The following ACOT11 variants were observed in gnomAD, a reference collection of about 807,000 sequenced individuals.
ACOT11 encodes acyl-coenzyme A thioesterase 11.
ACOT11 carries 69 observed loss-of-function variants against 77.5 expected under a neutral mutation model. The ratio of observed to expected loss-of-function variants is 0.89; its 90% CI spans 0.73 to 1.09. ACOT11 has a LOEUF of 1.09. ACOT11 is among the 50% of genes least tolerant of loss of function. The pLI, the probability that ACOT11 is intolerant of heterozygous loss-of-function variation, is 0.00. For synonymous variants in ACOT11, 279 were observed against 313.0 expected, an observed-to-expected ratio of 0.89 and a Z score of 1.15; for missense variants, 766 against 813.7, an observed-to-expected ratio of 0.94 and a Z score of 0.71.
At chr1:54,622,190 TGCTTGAGCCCAGGGGGTGGAG>T (rs1241441518) in intron 15 of ACOT11, among the ~76,000 whole-genome samples, 1 of 148,150 alleles carries the variant, frequency 6.7e-6, no homozygotes, top group Non-Finnish European at 1.5e-5. Flanking sequence ...GTGGAAGAAT[TGCTTGAGCCCAGGGGGTGGAG>T]GTTGCAGTGA....
chr1:54,589,760 A>G (rs930430267), intron 3 of ACOT11, among the ~76,000 whole-genome samples: 1 of 152,064 alleles, frequency 6.6e-6, no homozygotes, highest in African/African-American at 2.4e-5. Context: ...GCATTAAGAT[A>G]ACAAGCATGA....
intron 1 of ACOT11, among the ~76,000 whole-genome samples, chr1:54,569,411 C>T (rs903641222): frequency 2.0e-5 from 3 of 152,212 alleles, no homozygotes; most frequent in African/African-American, 7.2e-5. Context: ...CAGCCAGAGG[C>T]CTGACACCCA....
downstream of ACOT11, chr1:54,612,388 G>T (rs374611404): frequency 1.2e-6 from 1 of 847,558 alleles, no homozygotes; most frequent in Non-Finnish European, 1.9e-6. Context: ...GGGGTTGGAC[G>T]AAATGACCTT....
In ACOT11 at chr1:54,609,680, T is replaced by G. The variant is rs1644091458; in HGVS notation, c.*568T>G. The stretch of plus-strand genomic sequence containing the variant: ...ATGGCCGGGGACCGAAAAACTCCCG[T>G]GGGAGATTTTGGCCCCAACCCACAC... On this transcript the variant is annotated 3_prime_UTR_variant, in exon 16 of 16. Transcript: ENST00000343744. 1 of 1,613,812 alleles carries G rather than the reference T, an allele frequency of 6.2e-7. No homozygotes were observed.
At chr1:54,599,581 C>CAAGAAGGGAAAA in intron 8 of ACOT11, 166 bp downstream of exon 8, 1 of 849,718 alleles carries the variant, frequency 1.2e-6, no homozygotes, top group Non-Finnish European at 1.6e-6. Context: ...CTGATTTTCC[C>CAAGAAGGGAAAA]TTCTTGGGAG....
At chr1:54,581,269 G>A (rs2100974634) in intron 1 of ACOT11, among the ~76,000 whole-genome samples, 1 of 152,328 alleles carries the variant, frequency 6.6e-6, no homozygotes, top group East Asian at 1.9e-4. Flanking sequence ...ATTGGGACTT[G>A]GATACTGGGC....
intron 2 of ACOT11, among the ~76,000 whole-genome samples, chr1:54,585,080 G>A (rs1314367968): frequency 6.6e-6 from 1 of 152,144 alleles, no homozygotes; most frequent in African/African-American, 2.4e-5. Flanking sequence ...CCTGAGTGTT[G>A]GTCCCAGGCC....
intron 5 of ACOT11, 49 bp downstream of exon 5, chr1:54,594,088 C>A (rs1456199881): frequency 6.5e-7 from 1 of 1,531,886 alleles, no homozygotes; most frequent in Non-Finnish European, 9.0e-7. Context: ...GACCTGGGCA[C>A]CTGCCATGGC....
At chr1:54,583,020 A>G (rs1654372337) in intron 1 of ACOT11, among the ~76,000 whole-genome samples, 2 of 152,056 alleles carry the variant, frequency 1.3e-5, no homozygotes, top group Non-Finnish European at 2.9e-5. Context: ...AAAGCCAGCC[A>G]CCCGTATCCA....
downstream of ACOT11, among the ~76,000 whole-genome samples, chr1:54,614,357 G>A (rs963972326): frequency 2.0e-5 from 3 of 152,150 alleles, no homozygotes; most frequent in Admixed American, 6.5e-5. Flanking sequence ...CCCTCCAGGA[G>A]TTCAATGTAG....
chr1:54,580,174 G>A (rs947328121), intron 1 of ACOT11, among the ~76,000 whole-genome samples: 2 of 152,132 alleles, frequency 1.3e-5, no homozygotes, highest in Non-Finnish European at 2.9e-5. Context: ...AACGTTAGTT[G>A]TGGAATTGGA....
At chr1:54,569,564 C>G (rs1039701390) in intron 1 of ACOT11, among the ~76,000 whole-genome samples, 4 of 152,208 alleles carry the variant, frequency 2.6e-5, no homozygotes, top group Non-Finnish European at 5.9e-5. Flanking sequence ...TGTCTCCTCC[C>G]TGCCACTGAG....
chr1:54,603,841 ACCAAGGTTGTCATCTTCTCTCCTTC>A lies in ACOT11; in HGVS notation c.1086-26_1086-2del. The A allele has an allele frequency of 1.9e-6, 3 of 1,609,998 alleles. No individual in the cohort carries two copies. Among genetic ancestry groups the A allele is most frequent in the Non-Finnish European group, 1.7e-6 (2 of 1,176,386 alleles). The stretch of plus-strand genomic sequence containing the variant: ...GTGGAAAGTGCTGAACTTCCAGGGG[ACCAAGGTTGTCATCTTCTCTCCTTC>A]CCAGGAAGTACATCGTGTCCTGTAA... On this transcript the variant is annotated splice_region_variant and splice_polypyrimidine_tract_variant and intron_variant, in intron 10 of 15. Transcript: ENST00000343744.
intron 1 of ACOT11, among the ~76,000 whole-genome samples, chr1:54,554,351 A>ATATTTTT (rs1553161034): frequency 1.7e-4 from 17 of 97,254 alleles, no homozygotes; most frequent in African/African-American, 7.3e-4. Context: ...ATATATATAT[A>ATATTTTT]TTTTTTTTTT....
At chr1:54,568,195 CTT>C (rs1419757693) in intron 1 of ACOT11, among the ~76,000 whole-genome samples, 6 of 152,116 alleles carry the variant, frequency 3.9e-5, no homozygotes, top group Non-Finnish European at 8.8e-5. Context: ...CAGGAAGCCT[CTT>C]TGATTACACA....
In ACOT11 at chr1:54,610,274, C is replaced by A. The variant is rs1644102923; in HGVS notation, c.*1162C>A. On this transcript the variant is annotated 3_prime_UTR_variant, in exon 16 of 16. Transcript: ENST00000343744. ...TGTACTCCCTCTCCCTCCCCGCAAC[C>A]CTGCCCCACCTTGCATCCAGGGTAT... 2.7e-6 allele frequency: 4 copies of A among 1,500,336 alleles called. No individual in the cohort carries two copies. Among genetic ancestry groups the A allele is most frequent in the Non-Finnish European group, 3.5e-6 (4 of 1,130,806 alleles). The allele number at this position is 1,500,336 out of a possible 1,614,324, so 92.9% of individuals were successfully genotyped here.
exon 17 of ACOT11, chr1:54,637,697 G>A (rs1644338734): frequency 6.6e-6 from 1 of 151,662 alleles, no homozygotes; most frequent in African/African-American, 2.4e-5. Flanking sequence ...TGAGGCAGGA[G>A]AATTGGTTGA....
At chr1:54,604,286 T>C (rs1643999447) in intron 11 of ACOT11, 60 bp from the exon 12 acceptor site, 5 of 1,536,770 alleles carry the variant, frequency 3.3e-6, no homozygotes, top group Admixed American at 3.4e-5. Flanking sequence ...CCCTTGGCCT[T>C]GGCTCAGGGG....
At chr1:54,599,225 A>T (rs112040476) in intron 7 of ACOT11, 71 bp from the exon 8 acceptor site, 71,073 of 284,402 alleles carry the variant, frequency 0.25, 12,084 homozygotes, top group East Asian at 0.41. Context: ...TATATATATA[A>T]AAATCTGGCC....
Sources: gnomAD v4.1 joint callset for allele counts (sites outside exome capture counted in the v4.1 genomes callset) on GRCh38, gnomAD v4.1.1 for gene constraint, MANE v1.5 for transcripts, NCBI Gene and HGNC (gene_info 2026-07-23, HGNC 2026-07-21) for gene names.